Variants in GRM8 observed in about 807,000 individuals in gnomAD.
GRM8 encodes the protein metabotropic glutamate receptor 8.
A neutral mutation model predicts 87.2 loss-of-function variants in GRM8; 47 were observed. The observed-to-expected ratio is 0.54, with a 90% CI of 0.43 to 0.69. The LOEUF (loss-of-function observed/expected upper bound fraction) is 0.69, where lower values mean the gene tolerates loss of function less well. Among genes scored for constraint, GRM8 ranks in the 30% least tolerant of loss-of-function variants. The probability of loss-of-function intolerance (pLI) is 0.00; values close to 1 mark genes in which losing one functional copy is unlikely to be tolerated. For synonymous variants in GRM8, 396 were observed against 404.5 expected, an observed-to-expected ratio of 0.98 and a Z score of 0.25; for missense variants, 1,019 against 1,139.2, an observed-to-expected ratio of 0.89 and a Z score of 1.52.
intron 2 of GRM8, among the ~76,000 whole-genome samples, chr7:127,110,176 C>T (rs899602524): frequency 6.6e-6 from 1 of 152,190 alleles, no homozygotes; most frequent in African/African-American, 2.4e-5. Context: ...AGCACTTCAT[C>T]ATCCCTTGTT....
rs1032422819 is a variant in GRM8 at position 127,099,097 on chromosome 7, G to T, written c.727+7399C>A. On this transcript the variant is annotated intron_variant, in intron 3 of 10. Transcript: ENST00000339582. ...AAAGAAGGGAAGGAACCTGTCTAAA[G>T]ACTAAAGGAAGTCATTTATTGAGTC... Among the ~76,000 whole-genome samples, 3 of 152,144 alleles carry T rather than the reference G, an allele frequency of 2.0e-5. 1 individual carries two copies. Among genetic ancestry groups the T allele is most frequent in the Admixed American group, 1.3e-4 (2 of 15,282 alleles).
intron 3 of GRM8, among the ~76,000 whole-genome samples, chr7:127,050,195 A>C (rs2132480932): frequency 6.6e-6 from 1 of 152,314 alleles, no homozygotes; most frequent in Middle Eastern, 3.4e-3. Flanking sequence ...TGAGAAGTGC[A>C]GTGATCTGGA....
chr7:127,160,765 C>A (rs1324305034), intron 2 of GRM8, among the ~76,000 whole-genome samples: 3 of 151,990 alleles, frequency 2.0e-5, no homozygotes, highest in Non-Finnish European at 4.4e-5. Flanking sequence ...AGTGGGGACG[C>A]CTCCAGGGAT....
chr7:127,011,722 T>C (rs1389424064), intron 3 of GRM8, among the ~76,000 whole-genome samples: 1 of 152,192 alleles, frequency 6.6e-6, no homozygotes, highest in Non-Finnish European at 1.5e-5. Flanking sequence ...CATATCACTA[T>C]TTTTAAAAAT....
intron 7 of GRM8, among the ~76,000 whole-genome samples, chr7:126,760,190 C>CT (rs944278459): frequency 2.0e-5 from 3 of 152,056 alleles, no homozygotes; most frequent in African/African-American, 7.2e-5. Context: ...ATTCATCCTG[C>CT]TTTTTTTCAA....
intron 9 of GRM8, among the ~76,000 whole-genome samples, chr7:126,510,377 T>A (rs2247000): frequency 0.3 from 46,033 of 151,678 alleles, 7,644 homozygotes; most frequent in South Asian, 0.41. Context: ...GATCGTAGTA[T>A]TCATTAAGAG....
At chr7:126,868,251 G>A (rs768486616) in intron 6 of GRM8, among the ~76,000 whole-genome samples, 12 of 152,210 alleles carry the variant, frequency 7.9e-5, no homozygotes, top group Non-Finnish European at 1.3e-4. Flanking sequence ...GGAAGAACAC[G>A]GCAACCCCAA....
chr7:126,533,981 G>T, intron 8 of GRM8, 94 bp from the exon 9 acceptor site: 2 of 881,184 alleles, frequency 2.3e-6, no homozygotes, highest in Non-Finnish European at 3.5e-6. Flanking sequence ...ACAGAATGCT[G>T]ACAGTACAAA....
chr7:126,827,889 A>C (rs1400923644), intron 6 of GRM8, among the ~76,000 whole-genome samples: 3 of 152,208 alleles, frequency 2.0e-5, no homozygotes, highest in Non-Finnish European at 4.4e-5. Context: ...ACATCCCATC[A>C]ATACCTAATT....
chr7:126,470,264 T>C (rs576186908), intron 9 of GRM8, among the ~76,000 whole-genome samples: 5 of 151,886 alleles, frequency 3.3e-5, no homozygotes, highest in Admixed American at 3.3e-4. Flanking sequence ...TACGTATACA[T>C]GTGCCATGCT....
chr7:126,498,953 T>C (rs1482688720), intron 9 of GRM8, among the ~76,000 whole-genome samples: 4 of 151,982 alleles, frequency 2.6e-5, no homozygotes, highest in African/African-American at 7.2e-5. Context: ...AAATAAAATA[T>C]CATGACAAGA....
chr7:126,709,865 A>G (rs1319523173), intron 7 of GRM8, among the ~76,000 whole-genome samples: 5 of 152,296 alleles, frequency 3.3e-5, no homozygotes, highest in Admixed American at 6.5e-5. Context: ...CGTCACTTGC[A>G]ACAACGCGGA....
chr7:126,682,841 G>C (rs923544914), intron 7 of GRM8, among the ~76,000 whole-genome samples: 28 of 152,162 alleles, frequency 1.8e-4, no homozygotes, highest in African/African-American at 6.8e-4. Flanking sequence ...ACGAGGTCAG[G>C]AGTTTGAGAC....
At chr7:127,183,011 A>G (rs184128100) in intron 2 of GRM8, among the ~76,000 whole-genome samples, 1 of 152,040 alleles carries the variant, frequency 6.6e-6, no homozygotes, top group Admixed American at 6.6e-5. Flanking sequence ...TTACTCATGT[A>G]ACCAAATACC....
chr7:126,554,568 G>C (rs1357511785), intron 8 of GRM8, among the ~76,000 whole-genome samples: 8 of 152,150 alleles, frequency 5.3e-5, no homozygotes, highest in African/African-American at 1.9e-4. Flanking sequence ...ACTCCAGCCT[G>C]AGTGACAGAA....
At chr7:127,132,332 T>A (rs1326848937) in intron 2 of GRM8, among the ~76,000 whole-genome samples, 1 of 152,248 alleles carries the variant, frequency 6.6e-6, no homozygotes, top group African/African-American at 2.4e-5. Flanking sequence ...GCTTAGGCTA[T>A]AATGAGAAAG....
chr7:126,553,609 C>T (rs1792824269), intron 8 of GRM8, among the ~76,000 whole-genome samples: 1 of 151,994 alleles, frequency 6.6e-6, no homozygotes, highest in Non-Finnish European at 1.5e-5. Context: ...TAACATGAAC[C>T]CTCTAGTACA....
chr7:126,732,172 T>A (rs574379632), intron 7 of GRM8, among the ~76,000 whole-genome samples: 1 of 152,164 alleles, frequency 6.6e-6, no homozygotes, highest in South Asian at 2.1e-4. Context: ...TTTCACCATA[T>A]TAAATGTTTA....
At chr7:126,923,247 A>C (rs1804726705) in intron 3 of GRM8, among the ~76,000 whole-genome samples, 1 of 152,170 alleles carries the variant, frequency 6.6e-6, no homozygotes, top group African/African-American at 2.4e-5. Context: ...TTTTAGGAAC[A>C]AAATCCAGAA....
Sources: allele counts gnomAD v4.1 joint callset (sites outside exome capture counted in the v4.1 genomes callset), GRCh38; gene constraint gnomAD v4.1.1; transcripts MANE v1.5; gene names NCBI Gene and HGNC (gene_info 2026-07-23, HGNC 2026-07-21).